KCNU1: variants seen among roughly 807,000 people sequenced by gnomAD.
The protein encoded by KCNU1 is potassium calcium-activated channel subfamily U member 1.
KCNU1 carries 93 observed loss-of-function variants against 126.8 expected under a neutral mutation model. The ratio of observed to expected loss-of-function variants is 0.73; its 90% confidence interval spans 0.62 to 0.87. The LOEUF is 0.87. KCNU1 is among the 40% of genes least tolerant of loss of function. KCNU1 has a pLI of 0.00. For missense variants in KCNU1, 1,330 were observed against 1,367.1 expected, an observed-to-expected ratio of 0.97 and a Z score of 0.43; for synonymous variants, 523 against 494.2, an observed-to-expected ratio of 1.06 and a Z score of -0.77.
intron 19 of KCNU1, among the ~76,000 whole-genome samples, chr8:36,880,540 T>A (rs1806438169): frequency 6.6e-6 from 1 of 152,146 alleles, no homozygotes; most frequent in Non-Finnish European, 1.5e-5. Context: ...GAAGGACAAG[T>A]GCAAAACTGC....
chr8:36,858,294 TA>T lies in KCNU1; in HGVS notation c.1892-6109del, dbSNP rs201529076. ...CAACTGAATGCCTGAATCTGAAGAT[TA>T]TTTTTTTTTAAAATGTCTTCAAGAC... On this transcript the variant is annotated intron_variant, in intron 18 of 26. Transcript: ENST00000399881. Among the ~76,000 whole-genome samples, 28 of 151,516 alleles carry T rather than the reference TA, an allele frequency of 1.8e-4. 1 individual carries two copies. The highest frequency in any genetic ancestry group is 8.3e-4 in the South Asian group (4 of 4,792).
intron 24 of KCNU1, among the ~76,000 whole-genome samples, chr8:36,928,121 A>G (rs2117606303): frequency 6.6e-6 from 1 of 152,196 alleles, no homozygotes; most frequent in Admixed American, 6.6e-5. Flanking sequence ...ATAGGAGATG[A>G]GCTCACAGAA....
intron 19 of KCNU1, among the ~76,000 whole-genome samples, chr8:36,900,360 A>C (rs1436328096): frequency 1.3e-5 from 2 of 152,068 alleles, no homozygotes; most frequent in Non-Finnish European, 2.9e-5. Context: ...TAAACCTTAA[A>C]TTTCCCTCCA....
In KCNU1 at chr8:36,905,582, C is replaced by A. The variant is rs148799585; in HGVS notation, c.2010-126C>A. The A allele has an allele frequency of 2.1e-3, 1,444 of 677,198 alleles. 18 individuals carry two copies. In the African/African-American group the frequency reaches 0.023, roughly 11 times the overall value. 41.9% of individuals were successfully genotyped at this position (677,198 alleles called of 1,614,324 possible). On this transcript the variant is annotated intron_variant, in intron 19 of 26. Transcript: ENST00000399881. The stretch of plus-strand genomic sequence containing the variant: ...AGCCTTTATTCTAGAGTCTTACAGA[C>A]CTGAGGTCATTCTACTTATGCTATT...
intron 19 of KCNU1, among the ~76,000 whole-genome samples, chr8:36,865,028 G>A (rs552010891): frequency 2.2e-4 from 33 of 151,968 alleles, no homozygotes; most frequent in Non-Finnish European, 4.3e-4. Context: ...TAATTAGAGG[G>A]GCAATTCAAA....
chr8:36,797,704 T>C (rs1448238999), intron 2 of KCNU1, among the ~76,000 whole-genome samples: 1 of 152,106 alleles, frequency 6.6e-6, no homozygotes, highest in Non-Finnish European at 1.5e-5. Flanking sequence ...ACTTTCTGAA[T>C]CTTTGAGTGT....
At chr8:36,872,068 C>G (rs1456437252) in intron 19 of KCNU1, among the ~76,000 whole-genome samples, 2 of 152,156 alleles carry the variant, frequency 1.3e-5, no homozygotes, top group Non-Finnish European at 2.9e-5. Context: ...CTGATTTTCA[C>G]TTTGTGTTAT....
chr8:36,871,038 G>A lies in KCNU1; in HGVS notation c.2009+6517G>A, dbSNP rs184806758. On this transcript the variant is annotated intron_variant, in intron 19 of 26. Transcript: ENST00000399881. ...CCACCAGAATCCCTAGCAGGGCTAT[G>A]TGTCTGCAATGAAGTTTAATAAATA... Among the ~76,000 whole-genome samples the A allele has an allele frequency of 2.9e-4, 44 of 152,236 alleles. 1 individual carries two copies. The highest frequency in any genetic ancestry group is 1.0e-3 in the African/African-American group (43 of 41,542).
chr8:36,923,027 A>C (rs772950562), intron 24 of KCNU1: 33 of 459,330 alleles, frequency 7.2e-5, no homozygotes, highest in South Asian at 3.3e-4. Flanking sequence ...TTCAAGGAAG[A>C]AGCTCTGGCC....
intron 1 of KCNU1, among the ~76,000 whole-genome samples, 181 bp from the exon 2 acceptor site, chr8:36,787,125 G>A (rs1199604104): frequency 6.6e-6 from 1 of 152,128 alleles, no homozygotes; most frequent in African/African-American, 2.4e-5. Context: ...CCAGGAAAAT[G>A]CAAACCCAGT....
chr8:36,804,924 A>G (rs1039722664), intron 3 of KCNU1, among the ~76,000 whole-genome samples: 1 of 152,150 alleles, frequency 6.6e-6, no homozygotes, highest in African/African-American at 2.4e-5. Context: ...CTGAATCCCC[A>G]TTGTTAAAAT....
chr8:36,790,368 T>A (rs1225286248), intron 2 of KCNU1, among the ~76,000 whole-genome samples: 1 of 151,666 alleles, frequency 6.6e-6, no homozygotes, highest in East Asian at 1.9e-4. Flanking sequence ...AATAAAAACA[T>A]TAAATCTAAG....
At chr8:36,929,791 G>A (rs1808644176) in intron 24 of KCNU1, among the ~76,000 whole-genome samples, 1 of 152,110 alleles carries the variant, frequency 6.6e-6, no homozygotes, top group Non-Finnish European at 1.5e-5. Flanking sequence ...GGCCACGGTG[G>A]AGACAGAGGG....
At chr8:36,862,162 G>A (rs1217741378) in intron 18 of KCNU1, among the ~76,000 whole-genome samples, 2 of 152,078 alleles carry the variant, frequency 1.3e-5, no homozygotes, top group African/African-American at 4.8e-5. Context: ...ATTTAAAATA[G>A]TTAGCTATAG....
chr8:36,817,069 C>T (rs1803941212), intron 9 of KCNU1, among the ~76,000 whole-genome samples: 1 of 152,114 alleles, frequency 6.6e-6, no homozygotes, highest in Non-Finnish European at 1.5e-5. Flanking sequence ...GTAATAGTTG[C>T]TCTTGTACTC....
In KCNU1 at chr8:36,814,128, T is replaced by A. The variant is rs1803822585; in HGVS notation, c.733-79T>A. On this transcript the variant is annotated intron_variant, in intron 7 of 26. Coordinates refer to ENST00000399881, the MANE Select transcript of KCNU1 (RefSeq NM_001031836.3). ...TTTGGATTGAATGAAGTGCAATTAA[T>A]CTAATGTTTTGCCTATTCTTTAAAA... 1.3e-5 allele frequency: 13 copies of A among 1,036,628 alleles called. No homozygotes were observed. The Admixed American group carries it at 1.7e-4, about 14-fold the overall frequency. The allele number at this position is 1,036,628 out of a possible 1,614,324, so 64.2% of individuals were successfully genotyped here. A position where few individuals can be genotyped will look rare whatever the true frequency, so the allele number is the denominator to read the frequency against.
intron 19 of KCNU1, among the ~76,000 whole-genome samples, chr8:36,867,809 A>C (rs977295426): frequency 2.0e-5 from 3 of 152,298 alleles, no homozygotes; most frequent in Non-Finnish European, 4.4e-5. Flanking sequence ...AATAAACAAG[A>C]AAATGGTTTA....
intron 19 of KCNU1, among the ~76,000 whole-genome samples, chr8:36,897,901 T>G (rs1413781580): frequency 2.0e-5 from 3 of 152,122 alleles, no homozygotes; most frequent in African/African-American, 7.2e-5. Flanking sequence ...GAGGACTCCA[T>G]GTCGTGAGTG....
Position 36,823,046 on chromosome 8 carries a change from G to A in KCNU1, c.1106+5286G>A, listed in dbSNP as rs148942665. Among the ~76,000 whole-genome samples the A allele has an allele frequency of 8.1e-3, 1,233 of 152,278 alleles. 10 individuals carry two copies. Among genetic ancestry groups the A allele is most frequent in the Admixed American group, 0.014 (209 of 15,286 alleles). ...GTGAAAATCAAAACATAGGGATAAA[G>A]AGAGGCATGCATGTGAGTGTTGTCA... On this transcript the variant is annotated intron_variant, in intron 10 of 26. Coordinates refer to ENST00000399881, the MANE Select transcript of KCNU1 (RefSeq NM_001031836.3).
Sources: gnomAD v4.1 joint callset for allele counts (sites outside exome capture counted in the v4.1 genomes callset) on GRCh38, gnomAD v4.1.1 for gene constraint, MANE v1.5 for transcripts, NCBI Gene and HGNC (gene_info 2026-07-23, HGNC 2026-07-21) for gene names.